LRP2: variants seen among roughly 807,000 people sequenced by gnomAD.
LRP2 encodes the protein low-density lipoprotein receptor-related protein 2.
In LRP2, 172 loss-of-function variants were observed where a neutral mutation model predicts 531.0. That is an observed-to-expected ratio of 0.32 (90% CI 0.29 to 0.37). LRP2 has a LOEUF of 0.37. Among genes scored for constraint, LRP2 ranks in the 10% least tolerant of loss-of-function variants. The pLI is 1.00. For missense variants in LRP2, 5,167 were observed against 5,868.3 expected (o/e 0.88, Z 3.90); for synonymous variants, 1,992 against 2,027.6 (o/e 0.98, Z 0.47).
intron 77 of LRP2, among the ~76,000 whole-genome samples, chr2:169,131,416 G>C (rs1401323746): frequency 6.6e-6 from 1 of 152,064 alleles, no homozygotes. Context: ...CAATGTTTAA[G>C]GTGATAATGA....
At chr2:169,181,704 T>G in intron 51 of LRP2, 86 bp from the exon 52 acceptor site, 1 of 1,185,746 alleles carries the variant, frequency 8.4e-7, no homozygotes, top group East Asian at 2.4e-5. Context: ...TTTAGAGAAA[T>G]GGAGTCTGCA....
chr2:169,275,686 G>T (rs1313281459), intron 13 of LRP2, among the ~76,000 whole-genome samples: 1 of 152,114 alleles, frequency 6.6e-6, no homozygotes, highest in Non-Finnish European at 1.5e-5. Flanking sequence ...TAGCAATTAG[G>T]GAGCAGGACA....
chr2:169,272,808 C>A (rs1048050748), intron 15 of LRP2, 119 bp downstream of exon 15: 2 of 1,307,898 alleles, frequency 1.5e-6, no homozygotes, highest in Non-Finnish European at 2.2e-6. Context: ...AGCTTATTTG[C>A]AGTCAAGAAG....
intron 17 of LRP2, 105 bp from the exon 18 acceptor site, chr2:169,257,354 T>C (rs773017357): frequency 2.4e-5 from 29 of 1,229,350 alleles, no homozygotes; most frequent in Non-Finnish European, 3.4e-5. Flanking sequence ...CAATTAATTT[T>C]GTTTTCTTTA....
At position 169,206,558 on chromosome 2, in the gene LRP2, T is replaced by A. The variant is rs758325460; in HGVS notation, c.7162A>T (p.Asn2388Tyr). The A allele has an allele frequency of 3.1e-6, 5 of 1,614,030 alleles. No individual in the cohort carries two copies. In the African/African-American group the frequency reaches 6.7e-5, roughly 22 times the overall value. ...TTAGACAAGGCAAAGATGAGGAAATTTTCTGTTGAAATGGCACAATTCTTG... is the reference window on the plus strand; with the variant it reads ...TTAGACAAGGCAAAGATGAGGAAATATTCTGTTGAAATGGCACAATTCTTG... ...DGKNCAISTE[N>Y]FLIFALSNSL... The change falls in exon 39 of 79, where the codon AAT becomes TAT. Residue 2388 changes from asparagine to tyrosine, a missense_variant. By Grantham distance (143) the Asn-to-Tyr change is moderately radical (BLOSUM62 -2). This residue lies in a region of LRP2 where 2,811 missense variants were observed against 3,058.0 expected (regional missense o/e 0.92). Transcript: ENST00000649046.
intron 32 of LRP2, 58 bp from the exon 33 acceptor site, chr2:169,225,511 AC>A: frequency 1.3e-6 from 2 of 1,597,766 alleles, no homozygotes; most frequent in Non-Finnish European, 8.6e-7. Context: ...CTACAAAAGA[AC>A]CCTTTCTTCA....
chr2:169,166,516 G>C (rs949950633), intron 61 of LRP2, among the ~76,000 whole-genome samples: 6 of 152,198 alleles, frequency 3.9e-5, no homozygotes, highest in African/African-American at 1.4e-4. Context: ...CAGACTGGCA[G>C]TACATGGACT....
intron 50 of LRP2, among the ~76,000 whole-genome samples, chr2:169,182,800 T>A (rs1574105998): frequency 6.6e-6 from 1 of 152,124 alleles, no homozygotes; most frequent in African/African-American, 2.4e-5. Context: ...TAAAGAGACA[T>A]CCCTGCCTCT....
At chr2:169,335,011 G>T (rs1159046701) in intron 1 of LRP2, among the ~76,000 whole-genome samples, 2 of 152,142 alleles carry the variant, frequency 1.3e-5, no homozygotes, top group Admixed American at 1.3e-4. Context: ...TTGCTTGGTA[G>T]GATGCTCAAC....
intron 34 of LRP2, among the ~76,000 whole-genome samples, chr2:169,217,237 T>C (rs540759798): frequency 1.3e-5 from 2 of 152,250 alleles, no homozygotes; most frequent in Non-Finnish European, 2.9e-5. Context: ...CCTACATTCT[T>C]TTCTGAAAAG....
chr2:169,218,791 T>C (rs1047810505), intron 34 of LRP2, among the ~76,000 whole-genome samples: 9 of 152,092 alleles, frequency 5.9e-5, no homozygotes, highest in African/African-American at 1.9e-4. Flanking sequence ...GTTCTTTCCT[T>C]TACTGCTCGA....
chr2:169,208,206 T>C (rs1301481797), intron 38 of LRP2, among the ~76,000 whole-genome samples: 2 of 152,092 alleles, frequency 1.3e-5, no homozygotes, highest in Admixed American at 1.3e-4. Flanking sequence ...AATACACAAA[T>C]AAATGGGCAT....
intron 1 of LRP2, among the ~76,000 whole-genome samples, chr2:169,343,663 C>G (rs114906888): frequency 6.6e-6 from 1 of 152,158 alleles, no homozygotes; most frequent in Non-Finnish European, 1.5e-5. Context: ...AGCAGTCGAG[C>G]TAAATCTCTG....
chr2:169,180,682 A>G (rs1039260516), intron 52 of LRP2, among the ~76,000 whole-genome samples: 14 of 152,222 alleles, frequency 9.2e-5, no homozygotes, highest in Non-Finnish European at 1.6e-4. Context: ...AAATAAAATA[A>G]AAAAATTTGA....
chr2:169,233,849 T>C (rs1661858854), intron 29 of LRP2, among the ~76,000 whole-genome samples: 1 of 152,206 alleles, frequency 6.6e-6, no homozygotes, highest in Non-Finnish European at 1.5e-5. Context: ...GCATCTATTT[T>C]ACAAATGAAA....
chr2:169,160,680 C>T (rs1393553478), intron 63 of LRP2, among the ~76,000 whole-genome samples: 1 of 39,490 alleles, frequency 2.5e-5, no homozygotes, highest in Non-Finnish European at 4.7e-5. Flanking sequence ...TACTTATTTC[C>T]TTAAAAAAAA....
intron 14 of LRP2, 79 bp downstream of exon 14, chr2:169,274,957 T>G: frequency 7.2e-7 from 1 of 1,382,480 alleles, no homozygotes. Context: ...AGACCCCTCA[T>G]TATTAACTTT....
intron 4 of LRP2, among the ~76,000 whole-genome samples, chr2:169,306,098 A>G (rs1684407595): frequency 6.6e-6 from 1 of 152,140 alleles, no homozygotes; most frequent in Non-Finnish European, 1.5e-5. Flanking sequence ...TATACAGCAC[A>G]TAGTAAATTT....
At position 169,168,708 on chromosome 2, in the gene LRP2, A is replaced by G. The variant is rs747433024; in HGVS notation, c.11498-32T>C. ...TGGGGGAAAAAAACATATTCAAATT[A>G]TTATACAAATTGACTACTTTGGGGA... On this transcript the variant is annotated intron_variant, in intron 60 of 78. Transcript: ENST00000649046. 1.9e-6 allele frequency: 3 copies of G among 1,612,256 alleles called. No homozygotes were observed. In the South Asian group the frequency reaches 3.3e-5, roughly 18 times the overall value.
Sources: gnomAD v4.1 joint callset for allele counts (sites outside exome capture counted in the v4.1 genomes callset) on GRCh38, gnomAD v4.1.1 for gene constraint, gnomAD v4.1.1 regional missense constraint, MANE v1.5 for transcripts, NCBI Gene and HGNC (gene_info 2026-07-23, HGNC 2026-07-21) for gene names.